DLGAP1: variants seen among roughly 807,000 people sequenced by gnomAD.
DLGAP1 encodes the protein disks large-associated protein 1.
DLGAP1 carries 11 observed loss-of-function variants against 90.8 expected under a neutral mutation model. That is an observed-to-expected ratio of 0.12 (90% CI 0.08 to 0.20). DLGAP1 has a LOEUF of 0.20. DLGAP1 is among the 10% of genes least tolerant of loss of function. The probability of loss-of-function intolerance (pLI) is 1.00; values close to 1 mark genes in which losing one functional copy is unlikely to be tolerated. For synonymous variants in DLGAP1, 558 were observed against 540.7 expected (o/e 1.03, Z -0.44); for missense variants, 1,050 against 1,333.8 (o/e 0.79, Z 3.31).
At chr18:3,822,855 T>C (rs959494557) in intron 4 of DLGAP1, among the ~76,000 whole-genome samples, 2 of 152,050 alleles carry the variant, frequency 1.3e-5, no homozygotes, top group African/African-American at 4.8e-5. Flanking sequence ...CAAGAAATAA[T>C]AACTAAGATG....
At chr18:3,662,554 T>G (rs1381314491) in intron 7 of DLGAP1, among the ~76,000 whole-genome samples, 1 of 152,140 alleles carries the variant, frequency 6.6e-6, no homozygotes, top group Non-Finnish European at 1.5e-5. Flanking sequence ...AGAGGTAAAG[T>G]GCAAAGAGTC....
Position 3,997,165 on chromosome 18 carries a change from C to T in DLGAP1, c.-73+7951G>A, listed in dbSNP as rs1055147340. 1.6e-4 allele frequency among the ~76,000 whole-genome samples: 16 copies of T among 102,538 alleles called. 2 individuals carry two copies. The highest frequency in any genetic ancestry group is 4.6e-4 in the African/African-American group (12 of 25,922). 67.3% of individuals were successfully genotyped at this position (102,538 alleles called of 152,430 possible). ...CGTCTAATGTTACCCATAACTCATT[C>T]GCTATTTGACGTAGTTCTCTTAAAT... On this transcript the variant is annotated intron_variant, in intron 3 of 12. Coordinates refer to ENST00000315677, the MANE Select transcript of DLGAP1 (RefSeq NM_004746.4).
chr18:4,301,633 G>A (rs542236480), intron 1 of DLGAP1, among the ~76,000 whole-genome samples: 1 of 152,244 alleles, frequency 6.6e-6, no homozygotes, highest in African/African-American at 2.4e-5. Context: ...ATATGCCTTT[G>A]ACACGCTGAT....
chr18:3,985,353 A>T (rs904497963), intron 3 of DLGAP1, among the ~76,000 whole-genome samples: 6 of 152,182 alleles, frequency 3.9e-5, no homozygotes, highest in Non-Finnish European at 7.3e-5. Context: ...CTGAAAAAAT[A>T]TTGGCTATTA....
At chr18:4,351,467 T>C (rs1430018128) in intron 1 of DLGAP1, among the ~76,000 whole-genome samples, 1 of 152,240 alleles carries the variant, frequency 6.6e-6, no homozygotes, top group Non-Finnish European at 1.5e-5. Context: ...TATGCTAAAA[T>C]CTTAGATTAT....
intron 4 of DLGAP1, among the ~76,000 whole-genome samples, chr18:3,829,751 T>C (rs573763514): frequency 4.6e-5 from 7 of 152,236 alleles, no homozygotes; most frequent in Admixed American, 4.6e-4. Context: ...AGGGTAATCT[T>C]CTTTACATAA....
At chr18:3,575,986 G>A (rs945597931) in intron 8 of DLGAP1, among the ~76,000 whole-genome samples, 3 of 152,152 alleles carry the variant, frequency 2.0e-5, no homozygotes, top group Admixed American at 2.0e-4. Context: ...CTGATTGAAG[G>A]AAACAGCACA....
At chr18:3,557,537 T>G (rs960851818) in intron 9 of DLGAP1, among the ~76,000 whole-genome samples, 1 of 151,490 alleles carries the variant, frequency 6.6e-6, no homozygotes, top group Non-Finnish European at 1.5e-5. Context: ...AAAAAAAAGT[T>G]GTATTTCCAT....
chr18:4,453,291 C>A (rs988999553), intron 1 of DLGAP1, among the ~76,000 whole-genome samples: 1 of 152,132 alleles, frequency 6.6e-6, no homozygotes, highest in African/African-American at 2.4e-5. Flanking sequence ...TTTTTAAAAT[C>A]ATACATTTTG....
chr18:3,690,383 G>A (rs1042779867), intron 7 of DLGAP1, among the ~76,000 whole-genome samples: 3 of 152,000 alleles, frequency 2.0e-5, no homozygotes, highest in Non-Finnish European at 4.4e-5. Flanking sequence ...TACCAACCCA[G>A]GGCAAGGGTA....
chr18:3,920,402 G>A (rs1004914967), intron 3 of DLGAP1, among the ~76,000 whole-genome samples: 2 of 148,130 alleles, frequency 1.4e-5, no homozygotes, highest in African/African-American at 2.5e-5. Context: ...ATCTGTTTTC[G>A]TGATGTGTTA....
intron 4 of DLGAP1, among the ~76,000 whole-genome samples, chr18:3,846,818 C>T (rs115725262): frequency 3.4e-3 from 522 of 152,192 alleles, no homozygotes; most frequent in African/African-American, 0.012. Flanking sequence ...GAAGTGATTG[C>T]TAACAGGTAC....
At chr18:4,049,412 C>A (rs896687405) in intron 2 of DLGAP1, among the ~76,000 whole-genome samples, 6 of 152,070 alleles carry the variant, frequency 3.9e-5, no homozygotes, top group African/African-American at 1.4e-4. Context: ...TCCTCCCATG[C>A]AGCCGAGGCA....
chr18:4,229,477 A>T (rs745885432), intron 1 of DLGAP1, among the ~76,000 whole-genome samples: 2 of 152,114 alleles, frequency 1.3e-5, no homozygotes, highest in Non-Finnish European at 2.9e-5. Context: ...ATAAAAACAG[A>T]CACATAGACC....
intron 1 of DLGAP1, among the ~76,000 whole-genome samples, chr18:4,283,939 A>C (rs988801014): frequency 3.3e-5 from 5 of 152,292 alleles, no homozygotes; most frequent in Admixed American, 2.0e-4. Context: ...GGGTTAAATA[A>C]AAGACAAGGG....
In DLGAP1 at chr18:3,771,838, GAA is replaced by G. The variant is rs36074021; in HGVS notation, c.1173-29328_1173-29327del. On this transcript the variant is annotated intron_variant, in intron 5 of 12. Coordinates refer to ENST00000315677, the MANE Select transcript of DLGAP1 (RefSeq NM_004746.4). ...TCTACTAACTGCCTGCCCTAGCTCTGAAAAAAAAAAAAAAATCCATGTGGCCA... is the reference window on the plus strand; with the variant it reads ...TCTACTAACTGCCTGCCCTAGCTCTGAAAAAAAAAAAAATCCATGTGGCCA... 1.3e-3 allele frequency among the ~76,000 whole-genome samples: 173 copies of G among 138,202 alleles called. 1 individual carries two copies. The highest frequency in any genetic ancestry group is 4.1e-3 in the African/African-American group (158 of 38,128). The allele number at this position is 138,202 out of a possible 152,430, so 90.7% of individuals were successfully genotyped here.
intron 5 of DLGAP1, among the ~76,000 whole-genome samples, chr18:3,806,352 C>T (rs1426096644): frequency 2.6e-5 from 4 of 152,088 alleles, no homozygotes; most frequent in Non-Finnish European, 5.9e-5. Context: ...TTTTAAGTTC[C>T]TTTCTTCTTT....
chr18:4,281,302 A>C (rs1461837984), intron 1 of DLGAP1, among the ~76,000 whole-genome samples: 1 of 152,098 alleles, frequency 6.6e-6, no homozygotes, highest in Non-Finnish European at 1.5e-5. Context: ...TGTAATCCTA[A>C]CACTTTGGGA....
chr18:3,937,585 C>T (rs2072670796), intron 3 of DLGAP1, among the ~76,000 whole-genome samples: 1 of 152,186 alleles, frequency 6.6e-6, no homozygotes, highest in South Asian at 2.1e-4. Context: ...AGCACACTTA[C>T]AGTTTAGCTA....
Sources: gnomAD v4.1 joint callset for allele counts (sites outside exome capture counted in the v4.1 genomes callset) on GRCh38, gnomAD v4.1.1 for gene constraint, MANE v1.5 for transcripts, NCBI Gene and HGNC (gene_info 2026-07-23, HGNC 2026-07-21) for gene names.